The following BCL2 variants were observed in gnomAD, a reference collection of about 807,000 sequenced individuals.
BCL2 encodes BCL2 apoptosis regulator, also known as apoptosis regulator Bcl-2.
A neutral mutation model predicts 14.2 loss-of-function variants in BCL2; 1 was observed. The ratio of observed to expected loss-of-function variants is 0.07; its 90% CI spans 0.02 to 0.33. The LOEUF is 0.33. BCL2 is among the 10% of genes least tolerant of loss of function. BCL2 has a pLI of 0.99. For missense variants in BCL2, 247 were observed against 305.9 expected (o/e 0.81, Z 1.44); for synonymous variants, 151 against 137.2 (o/e 1.10, Z -0.70).
chr18:63,169,373 T>TTCTTTCTTTCTCTC (rs1568222716), intron 2 of BCL2, among the ~76,000 whole-genome samples: 1 of 78,246 alleles, frequency 1.3e-5, no homozygotes, highest in Non-Finnish European at 2.6e-5. Context: ...TTCTTTCTCT[T>TTCTTTCTTTCTCTC]TCTTTCTTTC....
intron 2 of BCL2, among the ~76,000 whole-genome samples, chr18:63,286,968 A>C (rs1173461648): frequency 6.6e-6 from 1 of 152,172 alleles, no homozygotes; most frequent in African/African-American, 2.4e-5. Flanking sequence ...CTATGGAAGG[A>C]TACTGGCACT....
At chr18:63,208,152 A>C (rs2144670841) in intron 2 of BCL2, 1 of 152,382 alleles carries the variant, frequency 6.6e-6, no homozygotes, top group Non-Finnish European at 1.5e-5. Flanking sequence ...CACATTAAAC[A>C]AAGTGAACAT....
At chr18:63,295,811 C>A (rs1912781651) in intron 2 of BCL2, among the ~76,000 whole-genome samples, 1 of 152,178 alleles carries the variant, frequency 6.6e-6, no homozygotes, top group East Asian at 1.9e-4. Flanking sequence ...CCTCTTTGGT[C>A]CAGGGTACCT....
Position 63,223,847 on chromosome 18 carries a change from T to C in BCL2, c.585+94235A>G, listed in dbSNP as rs572106505. On this transcript the variant is annotated intron_variant, in intron 2 of 2. Transcript: ENST00000333681. Reference sequence around the variant, plus strand: ...TCCTCAGAGCTTTCAATACATCTGTTATTCATTCTTAAATATGGTCAGACA... The same window carrying C: ...TCCTCAGAGCTTTCAATACATCTGTCATTCATTCTTAAATATGGTCAGACA... 6.6e-5 allele frequency among the ~76,000 whole-genome samples: 10 copies of C among 152,358 alleles called. No individual in the cohort carries two copies. In the East Asian group the frequency reaches 1.7e-3, roughly 26 times the overall value.
chr18:63,221,990 T>C (rs1012160837), intron 2 of BCL2, among the ~76,000 whole-genome samples: 13 of 152,100 alleles, frequency 8.5e-5, no homozygotes, highest in Non-Finnish European at 1.9e-4. Context: ...AAGATTCCTA[T>C]AGAAAAGAGG....
intron 2 of BCL2, among the ~76,000 whole-genome samples, chr18:63,215,017 C>T (rs1390316187): frequency 1.3e-5 from 2 of 152,090 alleles, no homozygotes; most frequent in African/African-American, 4.8e-5. Context: ...CCTCCTAAGG[C>T]TCATTTCTAT....
chr18:63,254,844 C>T (rs569300888), intron 2 of BCL2, among the ~76,000 whole-genome samples: 1 of 152,252 alleles, frequency 6.6e-6, no homozygotes, highest in African/African-American at 2.4e-5. Context: ...TGGAAGCTCA[C>T]GGGTAGTGCA....
At chr18:63,288,884 AT>A (rs1429886306) in intron 2 of BCL2, among the ~76,000 whole-genome samples, 1 of 152,240 alleles carries the variant, frequency 6.6e-6, no homozygotes, top group Non-Finnish European at 1.5e-5. Context: ...AGAATCTAGA[AT>A]GCTGGCACAT....
intron 2 of BCL2, among the ~76,000 whole-genome samples, chr18:63,143,686 C>G (rs1914430150): frequency 6.6e-6 from 1 of 152,222 alleles, no homozygotes; most frequent in African/African-American, 2.4e-5. Flanking sequence ...GACTATTCCT[C>G]AGGCAAAAAT....
At chr18:63,195,117 A>G (rs995569719) in intron 2 of BCL2, among the ~76,000 whole-genome samples, 1 of 152,208 alleles carries the variant, frequency 6.6e-6, no homozygotes, top group South Asian at 2.1e-4. Flanking sequence ...GAACACCAAG[A>G]AAACATCATA....
chr18:63,313,933 T>C (rs538164791), intron 2 of BCL2: 5 of 152,324 alleles, frequency 3.3e-5, no homozygotes, highest in Non-Finnish European at 7.3e-5. Flanking sequence ...AATCCATTCT[T>C]ATTAGAAAGT....
chr18:63,193,643 CAT>C (rs1257401075), intron 2 of BCL2, among the ~76,000 whole-genome samples: 1 of 150,160 alleles, frequency 6.7e-6, no homozygotes. Flanking sequence ...TACACACACA[CAT>C]ATATATACAC....
At chr18:63,164,445 A>T (rs1212497723) in intron 2 of BCL2, among the ~76,000 whole-genome samples, 3 of 152,240 alleles carry the variant, frequency 2.0e-5, no homozygotes, top group Admixed American at 2.0e-4. Flanking sequence ...TGGTGGTCAA[A>T]TCACGGCAGG....
rs147857353 is a variant in BCL2 at position 63,131,817 on chromosome 18, G to A, written c.586-3058C>T. On this transcript the variant is annotated intron_variant, in intron 2 of 2. Coordinates refer to ENST00000333681, the MANE Select transcript of BCL2 (RefSeq NM_000633.3). ...ATCATTTGTCCTGTCTGGACCTGAA[G>A]CCATCCTGGGAAACCGGAGGATGCA... 3.9e-5 allele frequency among the ~76,000 whole-genome samples: 6 copies of A among 152,328 alleles called. No homozygotes were observed. The East Asian group carries it at 1.2e-3, about 29-fold the overall frequency.
At chr18:63,201,753 C>T (rs1436321338) in intron 2 of BCL2, among the ~76,000 whole-genome samples, 2 of 152,044 alleles carry the variant, frequency 1.3e-5, no homozygotes, top group Non-Finnish European at 2.9e-5. Context: ...CACATGTTCT[C>T]ACTCGTAAGT....
chr18:63,247,819 C>T (rs1297880036), intron 2 of BCL2, among the ~76,000 whole-genome samples: 1 of 152,288 alleles, frequency 6.6e-6, no homozygotes, highest in Middle Eastern at 3.4e-3. Context: ...TTCAGATAAT[C>T]TACCATGCCC....
At chr18:63,129,403 T>C (rs1156558151) in intron 2 of BCL2, among the ~76,000 whole-genome samples, 3 of 151,966 alleles carry the variant, frequency 2.0e-5, no homozygotes, top group African/African-American at 2.4e-5. Context: ...GTGATCCTCC[T>C]GCCTCCGCCT....
intron 2 of BCL2, among the ~76,000 whole-genome samples, chr18:63,134,222 C>T (rs959929947): frequency 2.0e-5 from 3 of 152,066 alleles, no homozygotes; most frequent in Non-Finnish European, 2.9e-5. Flanking sequence ...TCAATACAAA[C>T]ATGTATATTA....
intron 2 of BCL2, among the ~76,000 whole-genome samples, chr18:63,206,615 G>A (rs573141091): frequency 5.9e-5 from 9 of 152,322 alleles, no homozygotes; most frequent in Non-Finnish European, 1.0e-4. Context: ...GTGTGCCTTC[G>A]CCACACAGAA....
Sources: allele counts gnomAD v4.1 joint callset (sites outside exome capture counted in the v4.1 genomes callset), GRCh38; gene constraint gnomAD v4.1.1; transcripts MANE v1.5; gene names NCBI Gene and HGNC (gene_info 2026-07-23, HGNC 2026-07-21).